TYK2: variants seen among roughly 807,000 people sequenced by gnomAD.
The protein encoded by TYK2 is non-receptor tyrosine-protein kinase TYK2.
In TYK2, 65 loss-of-function variants were observed where a neutral mutation model predicts 130.9. The ratio of observed to expected loss-of-function variants is 0.50; its 90% CI spans 0.41 to 0.61. TYK2 has a LOEUF of 0.61. Ranked by LOEUF, TYK2 falls within the 20% of genes least tolerant of loss-of-function variation. The probability of loss-of-function intolerance (pLI) is 0.00; values close to 1 mark genes in which losing one functional copy is unlikely to be tolerated. For missense variants in TYK2, 1,378 were observed against 1,610.7 expected (o/e 0.86, Z 2.47); for synonymous variants, 647 against 658.9 (o/e 0.98, Z 0.28).
At position 10,353,951 on chromosome 19, in the gene TYK2, T is replaced by C; in HGVS notation, c.2908+91A>G. On this transcript the variant is annotated intron_variant, in intron 20 of 24. Transcript: ENST00000525621. The surrounding 1 kb of genome is among the most constrained non-coding windows in gnomAD (Gnocchi z 6.9). ...CAGCCTGGGGTTGAGAGTCTCTAAT[T>C]GGCTAGGCCAGACTGGCCCCGCCCA... The C allele has an allele frequency of 7.3e-7, 1 of 1,366,550 alleles. No homozygotes were observed. The highest frequency in any genetic ancestry group is 1.0e-6 in the Non-Finnish European group (1 of 969,054). The allele number at this position is 1,366,550 out of a possible 1,614,324, so 84.7% of individuals were successfully genotyped here.
chr19:10,372,029 C>T (rs940423792), intron 3 of TYK2, among the ~76,000 whole-genome samples: 9 of 151,584 alleles, frequency 5.9e-5, no homozygotes, highest in Non-Finnish European at 1.3e-4. Flanking sequence ...CTCGATCTGT[C>T]GCCCAGGCTG....
intron 6 of TYK2, 151 bp from the exon 7 acceptor site, chr19:10,366,049 T>A: frequency 1.1e-6 from 1 of 913,124 alleles, no homozygotes; most frequent in Non-Finnish European, 1.6e-6. Flanking sequence ...GAGCCTGTAG[T>A]CTCAGCTACT....
chr19:10,359,977 C>T (rs12720285), intron 14 of TYK2, among the ~76,000 whole-genome samples: 37 of 150,788 alleles, frequency 2.5e-4, no homozygotes, highest in African/African-American at 6.8e-4. Flanking sequence ...CGTCATTGCA[C>T]TCCAGCCTGG....
rs758076266 is a variant in TYK2, at chr19:10,361,616, G to T, written c.1960-18C>A. ...TAGAAGGCCTGTGGGGACCGGGCAG[G>T]TCAGGTGGCTGCAAAGCCGACCCCT... On this transcript the variant is annotated intron_variant, in intron 13 of 24. Transcript: ENST00000525621. The surrounding 1 kb of genome is among the most constrained non-coding windows in gnomAD (Gnocchi z 4.0). 18 of 1,549,900 alleles carry T rather than the reference G, an allele frequency of 1.2e-5. No individual in the cohort carries two copies. The East Asian group carries it at 4.4e-4, about 38-fold the overall frequency.
At position 10,368,174 on chromosome 19, in the gene TYK2, T is replaced by A. The variant is rs1361836365; in HGVS notation, c.346A>T (p.Asn116Tyr). The change falls in exon 5 of 25, where the codon AAT (asparagine) becomes TAT (tyrosine). Residue 116 changes from asparagine to tyrosine, a missense_variant. Physicochemically the swap from Asn to Tyr is moderately radical, Grantham distance 143 (BLOSUM62 -2). Coordinates refer to ENST00000525621, the MANE Select transcript of TYK2 (RefSeq NM_003331.5). ...CGGTACACAGCCGGTTCCCGAGGAT[T>A]CATGCCATGCCAGTTCCGGAAATAA... ...RFYFRNWHGM[N>Y]PREPAVYRCG... 6 of 1,614,016 alleles carry A rather than the reference T, an allele frequency of 3.7e-6. No homozygotes were observed. The highest frequency in any genetic ancestry group is 5.1e-6 in the Non-Finnish European group (6 of 1,180,034).
chr19:10,372,591 T>C (rs1462138402), intron 3 of TYK2, among the ~76,000 whole-genome samples: 1 of 142,920 alleles, frequency 7.0e-6, no homozygotes, highest in Non-Finnish European at 1.5e-5. Context: ...CAAGTGATCC[T>C]CCCACCTCAG....
chr19:10,358,923 C>T lies in TYK2; in HGVS notation c.2175+252G>A, dbSNP rs892872058. On this transcript the variant is annotated intron_variant, in intron 15 of 24. Transcript: ENST00000525621. ...ACTAAAAATACAAAAATTAGCTGGGCGTGATGGCAGGAGCCTATAATCCCA... is the reference window on the plus strand; with the variant it reads ...ACTAAAAATACAAAAATTAGCTGGGTGTGATGGCAGGAGCCTATAATCCCA... Among the ~76,000 whole-genome samples the T allele has an allele frequency of 3.9e-5, 6 of 152,102 alleles. 1 individual carries two copies. In the South Asian group the frequency reaches 1.0e-3, roughly 26 times the overall value.
At position 10,362,676 on chromosome 19, in the gene TYK2, G is replaced by A. The variant is rs776473528; in HGVS notation, c.1368-19C>T. 1 of 1,548,582 alleles carries A rather than the reference G, an allele frequency of 6.5e-7. No homozygotes were observed. On this transcript the variant is annotated intron_variant, in intron 9 of 24. Coordinates refer to ENST00000525621, the MANE Select transcript of TYK2 (RefSeq NM_003331.5). ...TGGCTCCCTGGAAGGTGGTCCAGGG[G>A]GACTATCAGGCCACCTGGGGCCACT... is the stretch of plus-strand genomic sequence containing the variant.
At position 10,353,393 on chromosome 19, in the gene TYK2, G is replaced by A; in HGVS notation, c.3027+135C>T. 1 of 660,688 alleles carries A rather than the reference G, an allele frequency of 1.5e-6. No homozygotes were observed. Among genetic ancestry groups the A allele is most frequent in the South Asian group, 2.7e-5 (1 of 37,406 alleles). The allele number at this position is 660,688 out of a possible 1,614,324, so 40.9% of individuals were successfully genotyped here. On this transcript the variant is annotated intron_variant, in intron 21 of 24. Transcript: ENST00000525621. The surrounding 1 kb of genome is among the most constrained non-coding windows in gnomAD (Gnocchi z 6.9). ...GCCAAGCAAGCCAAACAGTTCGGAG[G>A]TCAGTGCAAGGACAAGACAGCCTGG...
At position 10,353,576 on chromosome 19, in the gene TYK2, G is replaced by C. The variant is rs148484862; in HGVS notation, c.2979C>G (p.His993Gln). 1.3e-5 allele frequency: 19 copies of C among 1,495,670 alleles called. No individual in the cohort carries two copies. The African/African-American group carries it at 1.7e-4, about 13-fold the overall frequency. The allele number at this position is 1,495,670 out of a possible 1,614,324, so 92.6% of individuals were successfully genotyped here. The change falls in exon 21 of 25, where the codon CAC becomes CAG. Residue 993 changes from histidine to glutamine, a missense_variant. Coordinates refer to ENST00000525621, the MANE Select transcript of TYK2 (RefSeq NM_003331.5). The surrounding 1 kb of genome is among the most constrained non-coding windows in gnomAD (Gnocchi z 6.9). The part of the protein sequence containing the change: ...LGSLRDYLPR[H>Q]SIGLAQLLLF... Reference sequence around the variant, plus strand: ...GCAGCAGCTGGGCCAGCCCGATGCTGTGCCGGGGCAGGTAGTCTCGGAGGC... The same window carrying C: ...GCAGCAGCTGGGCCAGCCCGATGCTCTGCCGGGGCAGGTAGTCTCGGAGGC...
Position 10,351,116 on chromosome 19 carries a change from A to C in TYK2, c.3365T>G (p.Leu1122Arg). Residue 1122 changes from leucine to arginine, a missense_variant, in exon 24 of 25, where the codon CTG becomes CGG. Physicochemically the swap from Leu to Arg is moderately radical, Grantham distance 102. Coordinates refer to ENST00000525621, the MANE Select transcript of TYK2 (RefSeq NM_003331.5). The part of the protein sequence containing the change: ...IGIAQGQMTV[L>R]RLTELLERGE... ...TCGTTCCAGCAACTCAGTGAGTCTC[A>C]GAACTGTCATCTGACCCTGAGCAAT... 6 of 1,614,088 alleles carry C rather than the reference A, an allele frequency of 3.7e-6. No individual in the cohort carries two copies. Among genetic ancestry groups the C allele is most frequent in the Non-Finnish European group, 5.1e-6 (6 of 1,179,980 alleles).
Position 10,365,908 on chromosome 19 carries a change from AAC to A in TYK2, c.630-12_630-11del. The stretch of plus-strand genomic sequence containing the variant: ...GATGCAGTCCTTGAAGCTGGGGGGA[AAC>A]ACAGTGAGGGGCTGGTCAGGGACCT... On this transcript the variant is annotated splice_polypyrimidine_tract_variant and intron_variant, in intron 6 of 24. Transcript: ENST00000525621. 6 of 1,600,994 alleles carry A rather than the reference AAC, an allele frequency of 3.7e-6. No homozygotes were observed. Among genetic ancestry groups the A allele is most frequent in the South Asian group, 3.4e-5 (3 of 89,396 alleles).
intron 3 of TYK2, among the ~76,000 whole-genome samples, chr19:10,375,645 G>T (rs2042086416): frequency 6.6e-6 from 1 of 151,712 alleles, no homozygotes; most frequent in Non-Finnish European, 1.5e-5. Flanking sequence ...GGCCGGGCAT[G>T]GTGGCTCACA....
rs2041411793 is a variant in TYK2 at position 10,361,700 on chromosome 19, C to T, written c.1959+70G>A. ...CATCCCACCTCCTCCACAGACACAC[C>T]CCTCCCATCCCACCTCCTCCGGCCA... is the stretch of plus-strand genomic sequence containing the variant. On this transcript the variant is annotated intron_variant, in intron 13 of 24. Coordinates refer to ENST00000525621, the MANE Select transcript of TYK2 (RefSeq NM_003331.5). This position sits in a 1 kb window ranked among gnomAD's most constrained non-coding sequence, Gnocchi z 4.0. 1.9e-6 allele frequency: 3 copies of T among 1,587,766 alleles called. No homozygotes were observed. The highest frequency in any genetic ancestry group is 2.6e-6 in the Non-Finnish European group (3 of 1,165,424).
At chr19:10,378,833 A>ACATCT (rs1319897948) in intron 2 of TYK2, among the ~76,000 whole-genome samples, 3,160 of 148,916 alleles carry the variant, frequency 0.021, 50 homozygotes, top group Non-Finnish European at 0.032. Context: ...GTTTTATTTT[A>ACATCT]TATCTTATCT....
chr19:10,359,088 G>A (rs1412406483), intron 15 of TYK2, 87 bp downstream of exon 15: 5 of 1,530,924 alleles, frequency 3.3e-6, no homozygotes, highest in Non-Finnish European at 4.4e-6. Context: ...AAAAGATGGG[G>A]TCTCGCCCTG....
At chr19:10,370,503 A>G (rs1415558929) in intron 3 of TYK2, among the ~76,000 whole-genome samples, 1 of 119,700 alleles carries the variant, frequency 8.4e-6, no homozygotes, top group African/African-American at 3.8e-5. Flanking sequence ...ACACAGCAAG[A>G]CTGTCTCAAA....
chr19:10,378,364 C>T lies in TYK2; in HGVS notation c.43G>A (p.Val15Ile), dbSNP rs374780145. 5.3e-5 allele frequency: 85 copies of T among 1,612,162 alleles called. No homozygotes were observed. The highest frequency in any genetic ancestry group is 2.9e-4 in the East Asian group (13 of 44,888). Reference sequence around the variant, plus strand: ...GCCATGGGCTGGGCTCCATCCCCAACGGGCTTACTGCCCCTGGCCATCCCC... The same window carrying T: ...GCCATGGGCTGGGCTCCATCCCCAATGGGCTTACTGCCCCTGGCCATCCCC... ...HWGMARGSKP[V>I]GDGAQPMAAM... is the part of the protein sequence containing the mutation. The change falls in exon 3 of 25, where the codon GTT (valine) becomes ATT (isoleucine). Residue 15 changes from valine (V) to isoleucine (I), a missense_variant. By Grantham distance (29) the Val-to-Ile change is conservative (BLOSUM62 3). Coordinates refer to ENST00000525621, the MANE Select transcript of TYK2 (RefSeq NM_003331.5).
Position 10,365,802 on chromosome 19 carries a change from C to T in TYK2, c.726G>A (p.Leu242=), listed in dbSNP as rs2041634647. 1 of 1,612,202 alleles carries T rather than the reference C, an allele frequency of 6.2e-7. No individual in the cohort carries two copies. Among genetic ancestry groups the T allele is most frequent in the Admixed American group, 1.7e-5 (1 of 59,868 alleles). ...LRLRNVFRRF[L]RDFQPGRLSQ... ...AGAGTCGGCCCGGCTGGAAGTCCCGCAGGAACCTGCGGAAGACGTTCCGAA... is the reference window on the plus strand; with the variant it reads ...AGAGTCGGCCCGGCTGGAAGTCCCGTAGGAACCTGCGGAAGACGTTCCGAA... Residue 242 remains leucine (L), a synonymous_variant, in exon 7 of 25, where the codon CTG becomes CTA. Transcript: ENST00000525621.
Sources: gnomAD v4.1 joint callset for allele counts (sites outside exome capture counted in the v4.1 genomes callset) on GRCh38, gnomAD v4.1.1 for gene constraint, Gnocchi (gnomAD v3.1) non-coding constraint, MANE v1.5 for transcripts, NCBI Gene and HGNC (gene_info 2026-07-23, HGNC 2026-07-21) for gene names.